MMP16: variants seen among roughly 807,000 people sequenced by gnomAD.
MMP16 encodes the protein matrix metalloproteinase-16.
A neutral mutation model predicts 67.8 loss-of-function variants in MMP16; 12 were observed. The ratio of observed to expected loss-of-function variants is 0.18; its 90% CI spans 0.11 to 0.29. The LOEUF (loss-of-function observed/expected upper bound fraction) is 0.29. MMP16 is among the 10% of genes least tolerant of loss of function. MMP16 has a pLI of 1.00. For synonymous variants in MMP16, 249 were observed against 255.9 expected (o/e 0.97, Z 0.26); for missense variants, 475 against 765.7 (o/e 0.62, Z 4.48).
chr8:88,137,409 C>G (rs552340721), intron 4 of MMP16, among the ~76,000 whole-genome samples: 1 of 152,092 alleles, frequency 6.6e-6, no homozygotes, highest in African/African-American at 2.4e-5. Context: ...GTCAATATCA[C>G]TGTCTTTTAA....
intron 4 of MMP16, among the ~76,000 whole-genome samples, chr8:88,136,833 A>G (rs1386151218): frequency 2.0e-5 from 3 of 151,660 alleles, no homozygotes; most frequent in Non-Finnish European, 2.9e-5. Context: ...ATTCCACTAC[A>G]TATGTTTTCA....
chr8:88,191,254 T>G (rs187914417), intron 2 of MMP16, among the ~76,000 whole-genome samples: 86 of 152,254 alleles, frequency 5.6e-4, no homozygotes, highest in Non-Finnish European at 8.8e-4. Context: ...CCTATGACAA[T>G]AGGTTACCGT....
intron 7 of MMP16, among the ~76,000 whole-genome samples, chr8:88,065,825 T>C (rs1808456835): frequency 6.6e-6 from 1 of 152,118 alleles, no homozygotes; most frequent in Non-Finnish European, 1.5e-5. Flanking sequence ...TCATTTGAAA[T>C]AAAATAACAA....
intron 3 of MMP16, among the ~76,000 whole-genome samples, chr8:88,173,480 T>C (rs1278496113): frequency 6.6e-6 from 1 of 152,162 alleles, no homozygotes; most frequent in African/African-American, 2.4e-5. Flanking sequence ...TATTTTTATA[T>C]AAACAGGGCT....
At chr8:88,247,011 G>A (rs1456965820) in intron 1 of MMP16, among the ~76,000 whole-genome samples, 1 of 152,066 alleles carries the variant, frequency 6.6e-6, no homozygotes, top group African/African-American at 2.4e-5. Flanking sequence ...TACAAAATAA[G>A]ACAGTGAATC....
At position 88,035,907 on chromosome 8, in the gene MMP16, C is replaced by T. The variant is rs1482136350; in HGVS notation, c.*5554G>A. ...TTGTAATTGGATGTTATTAATCTTACCTGAAATATTTCAGAATTGTTTCAA... is the reference window on the plus strand; with the variant it reads ...TTGTAATTGGATGTTATTAATCTTATCTGAAATATTTCAGAATTGTTTCAA... On this transcript the variant is annotated 3_prime_UTR_variant, in exon 10 of 10. Transcript: ENST00000286614. This position sits in a 1 kb window ranked among gnomAD's most constrained non-coding sequence, Gnocchi z 4.7. The T allele has an allele frequency of 4.0e-5, 6 of 151,874 alleles. No individual in the cohort carries two copies. The highest frequency in any genetic ancestry group is 1.9e-4 in the East Asian group (1 of 5,196). The allele number at this position is 151,874 out of a possible 1,614,324, so 9.4% of individuals were successfully genotyped here. A position where few individuals can be genotyped will look rare whatever the true frequency, so the allele number is the denominator to read the frequency against.
intron 6 of MMP16, among the ~76,000 whole-genome samples, chr8:88,108,992 G>A (rs1011999260): frequency 5.3e-5 from 8 of 151,260 alleles, no homozygotes; most frequent in Non-Finnish European, 1.2e-4. Flanking sequence ...AGTGCTAATT[G>A]TAAATACTCT....
intron 7 of MMP16, chr8:88,069,587 T>C (rs1808518186): frequency 2.2e-6 from 1 of 456,228 alleles, no homozygotes; most frequent in African/African-American, 2.2e-5. Context: ...CAGTGAAAAA[T>C]TTAGGCAGGC....
intron 6 of MMP16, among the ~76,000 whole-genome samples, chr8:88,075,172 G>T (rs2118284070): frequency 6.6e-6 from 1 of 152,208 alleles, no homozygotes; most frequent in Admixed American, 6.5e-5. Context: ...GTCCACACCT[G>T]TCTGTACGCC....
chr8:88,101,547 C>G (rs1364705603), intron 6 of MMP16, among the ~76,000 whole-genome samples: 1 of 151,862 alleles, frequency 6.6e-6, no homozygotes, highest in Non-Finnish European at 1.5e-5. Flanking sequence ...GATATCAAGT[C>G]TTTGCCTAAT....
chr8:88,084,044 A>G (rs1808795299), intron 6 of MMP16, among the ~76,000 whole-genome samples: 1 of 152,048 alleles, frequency 6.6e-6, no homozygotes, highest in Non-Finnish European at 1.5e-5. Context: ...CAAAACCAGA[A>G]AAGTGAGAAT....
chr8:88,205,588 G>C (rs1465558934), intron 1 of MMP16, among the ~76,000 whole-genome samples: 1 of 152,104 alleles, frequency 6.6e-6, no homozygotes, highest in African/African-American at 2.4e-5. Flanking sequence ...TTCTATGCTA[G>C]AGTATTTCAC....
intron 7 of MMP16, among the ~76,000 whole-genome samples, chr8:88,072,141 C>A (rs922223285): frequency 6.6e-6 from 1 of 151,946 alleles, no homozygotes; most frequent in Non-Finnish European, 1.5e-5. Flanking sequence ...AATGGGGTGA[C>A]CACGTGGGAT....
At chr8:88,158,447 G>T (rs544266361) in intron 4 of MMP16, among the ~76,000 whole-genome samples, 2 of 152,116 alleles carry the variant, frequency 1.3e-5, no homozygotes, top group Non-Finnish European at 2.9e-5. Context: ...TCATGTGTCT[G>T]TTGGCTGCAT....
chr8:88,249,422 C>A (rs1810171397), intron 1 of MMP16, among the ~76,000 whole-genome samples: 1 of 152,066 alleles, frequency 6.6e-6, no homozygotes, highest in Non-Finnish European at 1.5e-5. Flanking sequence ...ATGGTTCAAG[C>A]AAAGAGCAGT....
rs913688189 is a variant in MMP16 at position 88,037,392 on chromosome 8, T to C, written c.*4069A>G. The C allele has an allele frequency of 6.6e-6, 1 of 151,914 alleles. No individual in the cohort carries two copies. Among genetic ancestry groups the C allele is most frequent in the East Asian group, 1.9e-4 (1 of 5,200 alleles). The allele number at this position is 151,914 out of a possible 1,614,324, so 9.4% of individuals were successfully genotyped here. A position where few individuals can be genotyped will look rare whatever the true frequency, so the allele number is the denominator to read the frequency against. The stretch of plus-strand genomic sequence containing the variant: ...TTAACAAAAAAAGATTATAGGTAAT[T>C]ATTAAATGTAACACTTGCTTATTTC... On this transcript the variant is annotated 3_prime_UTR_variant, in exon 10 of 10. Coordinates refer to ENST00000286614, the MANE Select transcript of MMP16 (RefSeq NM_005941.5).
In MMP16 at chr8:88,327,381, G is replaced by C. The variant is rs1811558239; in HGVS notation, c.-175C>G. 1 of 671,940 alleles carries C rather than the reference G, an allele frequency of 1.5e-6. No homozygotes were observed. Among genetic ancestry groups the C allele is most frequent in the Non-Finnish European group, 2.5e-6 (1 of 404,436 alleles). The allele number at this position is 671,940 out of a possible 1,614,324, so 41.6% of individuals were successfully genotyped here. ...AGGGGCCCCGCGCTCGGCAGCCCCC[G>C]AGAGGCAGCGGCGAAGACAGGGTCA... is the stretch of plus-strand genomic sequence containing the variant. On this transcript the variant is annotated 5_prime_UTR_variant, in exon 1 of 10. Coordinates refer to ENST00000286614, the MANE Select transcript of MMP16 (RefSeq NM_005941.5).
intron 3 of MMP16, among the ~76,000 whole-genome samples, chr8:88,183,864 C>T (rs1586193913): frequency 6.6e-6 from 1 of 150,836 alleles, no homozygotes. Flanking sequence ...TACAGTCATG[C>T]GCCACAACTC....
chr8:88,192,557 T>C (rs1809187671), intron 2 of MMP16, among the ~76,000 whole-genome samples: 1 of 152,184 alleles, frequency 6.6e-6, no homozygotes, highest in Admixed American at 6.5e-5. Flanking sequence ...AGCGTTTTAA[T>C]GCCATGGGTA....
Sources: gnomAD v4.1 joint callset for allele counts (sites outside exome capture counted in the v4.1 genomes callset) on GRCh38, gnomAD v4.1.1 for gene constraint, Gnocchi (gnomAD v3.1) non-coding constraint, MANE v1.5 for transcripts, NCBI Gene and HGNC (gene_info 2026-07-23, HGNC 2026-07-21) for gene names.